MFHAS1: variants seen among roughly 807,000 people sequenced by gnomAD.
MFHAS1 encodes the protein multifunctional ROCO family signaling regulator 1.
MFHAS1 carries 50 observed loss-of-function variants against 70.4 expected under a neutral mutation model. That is an observed-to-expected ratio of 0.71 (90% CI 0.57 to 0.90). MFHAS1 has a LOEUF of 0.90. MFHAS1 is among the 40% of genes least tolerant of loss of function. The probability of loss-of-function intolerance (pLI) is 0.00; values close to 1 mark genes in which losing one functional copy is unlikely to be tolerated. For synonymous variants in MFHAS1, 952 were observed against 620.0 expected (o/e 1.54, Z -7.96); for missense variants, 1,795 against 1,347.6 (o/e 1.33, Z -5.20).
intron 1 of MFHAS1, among the ~76,000 whole-genome samples, chr8:8,886,438 G>T (rs557960301): frequency 2.6e-5 from 4 of 152,006 alleles, no homozygotes; most frequent in Non-Finnish European, 5.9e-5. Flanking sequence ...AAAGCAAAGG[G>T]ATTACAGCCC....
intron 2 of MFHAS1, among the ~76,000 whole-genome samples, chr8:8,788,539 C>T (rs189888151): frequency 1.3e-5 from 2 of 152,184 alleles, no homozygotes; most frequent in African/African-American, 2.4e-5. Flanking sequence ...ATTAGCCAGG[C>T]GTGGTGGTGC....
At chr8:8,867,605 T>C (rs1374091807) in intron 1 of MFHAS1, among the ~76,000 whole-genome samples, 3 of 151,838 alleles carry the variant, frequency 2.0e-5, no homozygotes, top group Non-Finnish European at 2.9e-5. Context: ...TCTCCTAGGC[T>C]GGAGTGCAGT....
intron 1 of MFHAS1, among the ~76,000 whole-genome samples, chr8:8,864,628 T>C (rs1294779296): frequency 6.6e-6 from 1 of 152,158 alleles, no homozygotes; most frequent in Non-Finnish European, 1.5e-5. Context: ...AGCATAAAAT[T>C]AGCTACTCTC....
intron 1 of MFHAS1, among the ~76,000 whole-genome samples, chr8:8,846,215 T>TGCACTCCA (rs1455576990): frequency 7.7e-6 from 1 of 130,512 alleles, no homozygotes; most frequent in Non-Finnish European, 1.6e-5. Flanking sequence ...AACATGCCAC[T>TGCACTCCA]GCACTCCAGC....
chr8:8,891,438 G>C lies in MFHAS1; in HGVS notation c.1621C>G (p.Leu541Val). 1 of 1,612,996 alleles carries C rather than the reference G, an allele frequency of 6.2e-7. No homozygotes were observed. The change falls in exon 1 of 3, where the codon CTG (leucine) becomes GTG (valine). Residue 541 changes from leucine (L) to valine (V), a missense_variant. Transcript: ENST00000276282. The surrounding 1 kb of genome is among the most constrained non-coding windows in gnomAD (Gnocchi z 5.4). ...VVCIVGTHAD[L>V]CGERELEEKC... is the part of the protein sequence containing the mutation. ...TCCTCCAGCTCACGCTCTCCGCACA[G>C]GTCTGCGTGGGTGCCCACGATGCAC...
At chr8:8,853,352 T>C (rs1040716112) in intron 1 of MFHAS1, among the ~76,000 whole-genome samples, 5 of 149,738 alleles carry the variant, frequency 3.3e-5, no homozygotes, top group African/African-American at 9.9e-5. Context: ...CAACCAGAAA[T>C]AGCAGAGAAA....
intron 1 of MFHAS1, among the ~76,000 whole-genome samples, chr8:8,880,626 T>G (rs1056669832): frequency 2.6e-5 from 4 of 151,952 alleles, no homozygotes; most frequent in African/African-American, 9.7e-5. Context: ...AGAAACCATT[T>G]GCAATAGGCT....
At chr8:8,804,492 C>G (rs552024472) in intron 1 of MFHAS1, among the ~76,000 whole-genome samples, 25 of 152,222 alleles carry the variant, frequency 1.6e-4, no homozygotes, top group Non-Finnish European at 2.9e-4. Context: ...TTAGCAGTCA[C>G]AGAGTACAAT....
chr8:8,794,544 G>C (rs1359476316), intron 2 of MFHAS1, among the ~76,000 whole-genome samples: 1 of 152,174 alleles, frequency 6.6e-6, no homozygotes. Context: ...TCGAGCACAG[G>C]CTTCACATCT....
chr8:8,890,163 G>T lies in MFHAS1; in HGVS notation c.2896C>A (p.Leu966Met). ...GGCCATTCCTGAAGTAGGACATTCA[G>T]TTCCTCCACCAAGGGGGTTATGGCT... is the stretch of plus-strand genomic sequence containing the variant. Reference protein sequence around the residue: ...WQAITPLVEELNVLLQEWPGL... With the variant: ...WQAITPLVEEMNVLLQEWPGL... Residue 966 changes from leucine to methionine, a missense_variant, in exon 1 of 3, where the codon CTG (leucine) becomes ATG (methionine). By Grantham distance (15) the Leu-to-Met change is conservative. Transcript: ENST00000276282. 6.2e-7 allele frequency: 1 copy of T among 1,614,204 alleles called. No homozygotes were observed. Among genetic ancestry groups the T allele is most frequent in the Non-Finnish European group, 8.5e-7 (1 of 1,180,048 alleles).
chr8:8,808,641 T>A (rs1806428228), intron 1 of MFHAS1, among the ~76,000 whole-genome samples: 1 of 152,194 alleles, frequency 6.6e-6, no homozygotes, highest in South Asian at 2.1e-4. Flanking sequence ...AATAAATCCA[T>A]GCTAGTTTTG....
chr8:8,853,066 A>G (rs1371647138), intron 1 of MFHAS1, among the ~76,000 whole-genome samples: 1 of 152,178 alleles, frequency 6.6e-6, no homozygotes, highest in Non-Finnish European at 1.5e-5. Flanking sequence ...TGCCTGGCTC[A>G]GTCCGTGTGT....
intron 1 of MFHAS1, among the ~76,000 whole-genome samples, chr8:8,878,946 T>C (rs1333193488): frequency 1.3e-5 from 2 of 152,240 alleles, no homozygotes; most frequent in Non-Finnish European, 2.9e-5. Context: ...ATATGCACTT[T>C]AATGGATGCT....
rs150332195 is a variant in MFHAS1 at position 8,890,744 on chromosome 8, C to G, written c.2315G>C (p.Arg772Pro). 7.4e-6 allele frequency: 12 copies of G among 1,613,462 alleles called. No homozygotes were observed. The highest frequency in any genetic ancestry group is 1.0e-5 in the Non-Finnish European group (12 of 1,179,742). Reference sequence around the variant, plus strand: ...GAGCAGTTCCTGGCTGGGGGTGGACCGCGCCATGGGCGGGGAGCTTTCCCC... The same window carrying G: ...GAGCAGTTCCTGGCTGGGGGTGGACGGCGCCATGGGCGGGGAGCTTTCCCC... ...AEGESSPPMA[R>P]STPSQELLRA... Residue 772 changes from arginine to proline, a missense_variant, in exon 1 of 3, where the codon CGG (arginine) becomes CCG (proline). By Grantham distance (103) the Arg-to-Pro change is moderately radical (BLOSUM62 -2). Coordinates refer to ENST00000276282, the MANE Select transcript of MFHAS1 (RefSeq NM_004225.3).
intron 1 of MFHAS1, among the ~76,000 whole-genome samples, chr8:8,843,659 G>C (rs907781401): frequency 1.3e-5 from 2 of 152,174 alleles, no homozygotes; most frequent in African/African-American, 4.8e-5. Context: ...AGAAAAAGAA[G>C]AAAGTGAAAG....
At chr8:8,879,021 C>A (rs1379167911) in intron 1 of MFHAS1, among the ~76,000 whole-genome samples, 2 of 151,994 alleles carry the variant, frequency 1.3e-5, no homozygotes, top group African/African-American at 4.8e-5. Flanking sequence ...TGAATCCTTC[C>A]CCAGATGGGA....
rs542927084 is a variant in MFHAS1 at position 8,866,794 on chromosome 8, ATC to A, written c.2998+23265_2998+23266del. On this transcript the variant is annotated intron_variant, in intron 1 of 2. Transcript: ENST00000276282. ...AAACGGTTCATATGACTACTTGGAT[ATC>A]TCTCATCCTGTGAACCAGTCTAACA... Among the ~76,000 whole-genome samples, 15 of 152,366 alleles carry A rather than the reference ATC, an allele frequency of 9.8e-5. No individual in the cohort carries two copies. The East Asian group carries it at 2.5e-3, about 25-fold the overall frequency.
chr8:8,824,039 A>C (rs928523079), intron 1 of MFHAS1, among the ~76,000 whole-genome samples: 1 of 150,462 alleles, frequency 6.6e-6, no homozygotes, highest in Non-Finnish European at 1.5e-5. Flanking sequence ...TTCCCTACTT[A>C]GCAAAAACAG....
chr8:8,865,110 T>A (rs1296527423), intron 1 of MFHAS1, among the ~76,000 whole-genome samples: 1 of 151,782 alleles, frequency 6.6e-6, no homozygotes, highest in African/African-American at 2.4e-5. Context: ...ACCCCATTTC[T>A]ACTAAAAATA....
Sources: allele counts gnomAD v4.1 joint callset (sites outside exome capture counted in the v4.1 genomes callset), GRCh38; gene constraint gnomAD v4.1.1; non-coding constraint Gnocchi (gnomAD v3.1); transcripts MANE v1.5; gene names NCBI Gene and HGNC (gene_info 2026-07-23, HGNC 2026-07-21).